Variants in TENM2 observed in about 807,000 individuals in gnomAD.
The protein encoded by TENM2 is teneurin-2.
TENM2 carries 52 observed loss-of-function variants against 245.2 expected under a neutral mutation model. The observed-to-expected ratio is 0.21, with a 90% CI of 0.17 to 0.27. TENM2 has a LOEUF of 0.27. TENM2 is among the 10% of genes least tolerant of loss of function. The pLI, the probability that TENM2 is intolerant of heterozygous loss-of-function variation, is 1.00. For missense variants in TENM2, 3,046 were observed against 3,666.8 expected (o/e 0.83, Z 4.37); for synonymous variants, 1,363 against 1,438.9 (o/e 0.95, Z 1.19).
intron 2 of TENM2, among the ~76,000 whole-genome samples, chr5:167,873,478 G>A (rs1352564178): frequency 6.6e-6 from 1 of 151,976 alleles, no homozygotes; most frequent in Non-Finnish European, 1.5e-5. Context: ...AACTATCTGT[G>A]CGGTTTAACC....
intron 5 of TENM2, among the ~76,000 whole-genome samples, chr5:167,998,353 A>G (rs1784201436): frequency 1.3e-5 from 2 of 152,196 alleles, no homozygotes; most frequent in Non-Finnish European, 1.5e-5. Flanking sequence ...GTCCTAGGTT[A>G]ACATTGGAAT....
intron 5 of TENM2, among the ~76,000 whole-genome samples, chr5:168,024,812 C>T (rs539990876): frequency 6.6e-6 from 1 of 152,278 alleles, no homozygotes; most frequent in Admixed American, 6.5e-5. Context: ...GTTTTACGTG[C>T]GGATTTGTGA....
intron 2 of TENM2, among the ~76,000 whole-genome samples, chr5:167,847,466 C>T (rs1770154889): frequency 6.6e-6 from 1 of 152,184 alleles, no homozygotes; most frequent in African/African-American, 2.4e-5. Context: ...CTGTTATGCC[C>T]TCTGCAAATA....
At chr5:168,236,971 T>C (rs1387911660) in intron 25 of TENM2, among the ~76,000 whole-genome samples, 2 of 8,014 alleles carry the variant, frequency 2.5e-4, no homozygotes, top group African/African-American at 1.2e-3. Flanking sequence ...TATATATATA[T>C]ATATATATAT....
At chr5:168,010,242 G>A (rs1785124222) in intron 5 of TENM2, among the ~76,000 whole-genome samples, 1 of 152,190 alleles carries the variant, frequency 6.6e-6, no homozygotes, top group South Asian at 2.1e-4. Flanking sequence ...TCTAATTGTG[G>A]TCCTATAGCT....
the TENM2 span, among the ~76,000 whole-genome samples, chr5:167,194,609 G>A: frequency 6.6e-6 from 1 of 152,010 alleles, no homozygotes; most frequent in Non-Finnish European, 1.5e-5. Context: ...AGGGATTAAT[G>A]ACGGTGAGAA....
rs1773382808 is a variant in TENM2, at chr5:167,875,916, A to G, written c.503-70A>G. On this transcript the variant is annotated intron_variant, in intron 2 of 28. Transcript: ENST00000518659. ...AATATTTATATTGTGAGCTGGTTTCAATGTAACTTTCTTGGGGTGCTCTCG... is the reference window on the plus strand; with the variant it reads ...AATATTTATATTGTGAGCTGGTTTCGATGTAACTTTCTTGGGGTGCTCTCG... 3 of 1,006,686 alleles carry G rather than the reference A, an allele frequency of 3.0e-6. No homozygotes were observed. The Admixed American group carries it at 6.3e-5, about 21-fold the overall frequency. The allele number at this position is 1,006,686 out of a possible 1,614,324, so 62.4% of individuals were successfully genotyped here. A position where few individuals can be genotyped will look rare whatever the true frequency, so the allele number is the denominator to read the frequency against.
At chr5:167,960,307 C>T (rs370133823) in intron 4 of TENM2, among the ~76,000 whole-genome samples, 2 of 152,232 alleles carry the variant, frequency 1.3e-5, no homozygotes, top group East Asian at 1.9e-4. Flanking sequence ...CCGCCCCTTC[C>T]CCCAGGTGCT....
chr5:167,499,123 T>C (rs1312892212), intron 2 of TENM2, among the ~76,000 whole-genome samples: 1 of 152,178 alleles, frequency 6.6e-6, no homozygotes, highest in Non-Finnish European at 1.5e-5. Flanking sequence ...ATGCAACTTC[T>C]GGTCCCTTCC....
chr5:167,986,655 G>A (rs1235658174), intron 4 of TENM2, among the ~76,000 whole-genome samples: 5 of 152,166 alleles, frequency 3.3e-5, no homozygotes, highest in Non-Finnish European at 4.4e-5. Flanking sequence ...CTTGAAAAAC[G>A]TCAAGTGCAT....
At chr5:167,864,525 G>T (rs908406551) in intron 2 of TENM2, among the ~76,000 whole-genome samples, 5 of 152,192 alleles carry the variant, frequency 3.3e-5, no homozygotes, top group Admixed American at 2.0e-4. Context: ...AGAAAAGTTA[G>T]ATGACTTGCC....
intron 4 of TENM2, among the ~76,000 whole-genome samples, chr5:167,968,990 C>A (rs560303132): frequency 6.6e-6 from 1 of 152,300 alleles, no homozygotes. Context: ...CATTGTAGTT[C>A]TATTGACAAT....
chr5:167,088,649 GA>G, the TENM2 span, among the ~76,000 whole-genome samples: 1,451 of 149,198 alleles, frequency 9.7e-3, 26 homozygotes, highest in African/African-American at 0.033. Context: ...AAAGAAAAAA[GA>G]AAAAAAAACA....
At chr5:167,760,649 G>C (rs562022454) in intron 2 of TENM2, among the ~76,000 whole-genome samples, 53 of 152,054 alleles carry the variant, frequency 3.5e-4, no homozygotes, top group Non-Finnish European at 5.9e-4. Context: ...CCTTGTTATT[G>C]TTGTTGTTGC....
intron 1 of TENM2, among the ~76,000 whole-genome samples, chr5:167,372,478 GC>G (rs1359276752): frequency 6.6e-6 from 1 of 152,154 alleles, no homozygotes; most frequent in East Asian, 1.9e-4. Flanking sequence ...CACATGCAGT[GC>G]TCTTCACAAA....
intron 5 of TENM2, among the ~76,000 whole-genome samples, chr5:168,025,629 C>T (rs1156387574): frequency 1.3e-5 from 2 of 152,178 alleles, no homozygotes; most frequent in Non-Finnish European, 2.9e-5. Context: ...TCCATGTTCT[C>T]TTGACTACCA....
At chr5:167,881,191 T>C (rs1025280770) in intron 3 of TENM2, among the ~76,000 whole-genome samples, 3 of 152,224 alleles carry the variant, frequency 2.0e-5, no homozygotes, top group Non-Finnish European at 2.9e-5. Context: ...AAGCAGATTA[T>C]GCACATTGTA....
chr5:167,894,990 G>GAAGGAAGGAAGGAAGGAAGGA (rs1421649847), intron 3 of TENM2, among the ~76,000 whole-genome samples: 1 of 136,662 alleles, frequency 7.3e-6, no homozygotes, highest in East Asian at 2.3e-4. Flanking sequence ...AGGAAGGAAG[G>GAAGGAAGGAAGGAAGGAAGGA]AGGGAAGGAA....
In TENM2 at chr5:168,168,791, T is replaced by C. The variant is rs554467749; in HGVS notation, c.2569+6034T>C. Among the ~76,000 whole-genome samples the C allele has an allele frequency of 2.6e-5, 4 of 152,294 alleles. No homozygotes were observed. The East Asian group carries it at 7.7e-4, about 29-fold the overall frequency. Reference sequence around the variant, plus strand: ...CATTCTTGGGTGGAGAGTTGGCTGATGTTTGTTTCAAAGTTTAAAAACCTT... The same window carrying C: ...CATTCTTGGGTGGAGAGTTGGCTGACGTTTGTTTCAAAGTTTAAAAACCTT... On this transcript the variant is annotated intron_variant, in intron 13 of 28. Coordinates refer to ENST00000518659, the Ensembl canonical transcript of TENM2.
Sources: allele counts gnomAD v4.1 joint callset (sites outside exome capture counted in the v4.1 genomes callset), GRCh38; gene constraint gnomAD v4.1.1; transcripts MANE v1.5; gene names NCBI Gene and HGNC (gene_info 2026-07-23, HGNC 2026-07-21).